ELAVL1: variants seen among roughly 807,000 people sequenced by gnomAD.
ELAVL1 encodes ELAV-like protein 1.
ELAVL1 carries 1 observed loss-of-function variant against 28.4 expected under a neutral mutation model. The observed-to-expected ratio is 0.04, with a 90% confidence interval of 0.01 to 0.17. The LOEUF (loss-of-function observed/expected upper bound fraction) is 0.17. Ranked by LOEUF, ELAVL1 falls within the 10% of genes least tolerant of loss-of-function variation. ELAVL1 has a pLI of 1.00. For synonymous variants in ELAVL1, 174 were observed against 183.5 expected (o/e 0.95, Z 0.42); for missense variants, 157 against 447.2 (o/e 0.35, Z 5.85).
At chr19:7,991,901 C>T (rs1396258475) in intron 1 of ELAVL1, 70 bp from the exon 2 acceptor site, 3 of 1,202,108 alleles carry the variant, frequency 2.5e-6, no homozygotes, top group Admixed American at 5.5e-5. Context: ...AAACTAGTAA[C>T]TGCATTTGCA....
chr19:7,987,365 G>A (rs1436069706), intron 2 of ELAVL1, among the ~76,000 whole-genome samples: 1 of 152,214 alleles, frequency 6.6e-6, no homozygotes, highest in East Asian at 1.9e-4. Context: ...GACATATGGG[G>A]CCACTGTGGA....
intron 5 of ELAVL1, among the ~76,000 whole-genome samples, chr19:7,964,201 G>T (rs533140441): frequency 1.3e-5 from 2 of 152,194 alleles, no homozygotes; most frequent in Non-Finnish European, 2.9e-5. Context: ...AACTCTCCTC[G>T]TACTGTGGGG....
chr19:7,971,903 C>T (rs55845020), intron 4 of ELAVL1, among the ~76,000 whole-genome samples: 8,789 of 152,284 alleles, frequency 0.058, 265 homozygotes, highest in Non-Finnish European at 0.07. Context: ...GGACGCAGGA[C>T]AATGTGCATG....
chr19:7,991,240 A>T (rs1985744383), intron 2 of ELAVL1, among the ~76,000 whole-genome samples: 2 of 152,190 alleles, frequency 1.3e-5, no homozygotes, highest in Admixed American at 1.3e-4. Flanking sequence ...CTGGACAGAC[A>T]GGGGCAGGCC....
rs1488213083 is a variant in ELAVL1, at chr19:7,963,173, G to A, written c.*310C>T. 3 of 337,598 alleles carry A rather than the reference G, an allele frequency of 8.9e-6. No individual in the cohort carries two copies. Among genetic ancestry groups the A allele is most frequent in the South Asian group, 3.8e-5 (1 of 26,272 alleles). The allele number at this position is 337,598 out of a possible 1,614,324, so 20.9% of individuals were successfully genotyped here. A position where few individuals can be genotyped will look rare whatever the true frequency, so the allele number is the denominator to read the frequency against. On this transcript the variant is annotated 3_prime_UTR_variant, in exon 6 of 6. Transcript: ENST00000407627. This position sits in a 1 kb window ranked among gnomAD's most constrained non-coding sequence, Gnocchi z 4.5. ...AAACGCGTGTTAGACAGTCTTAGAGGTTAAAGCATGCTTCAGGTTCACCAC... is the reference window on the plus strand; with the variant it reads ...AAACGCGTGTTAGACAGTCTTAGAGATTAAAGCATGCTTCAGGTTCACCAC...
chr19:7,986,423 G>A (rs1337075994), intron 2 of ELAVL1, among the ~76,000 whole-genome samples: 1 of 152,216 alleles, frequency 6.6e-6, no homozygotes, highest in East Asian at 1.9e-4. Context: ...CCACTAAATA[G>A]AAACAGTGAT....
rs1599659968 is a variant in ELAVL1 at position 7,959,081 on chromosome 19, T to C, written c.*4402A>G. On this transcript the variant is annotated 3_prime_UTR_variant, in exon 6 of 6. Transcript: ENST00000407627. ...TTAAAAAAAAAAAATAAAAAGGCAA[T>C]GGGCTGATGGAAAACTGATAAGGGC... 6.6e-6 allele frequency: 1 copy of C among 152,070 alleles called. No individual in the cohort carries two copies. Among genetic ancestry groups the C allele is most frequent in the African/African-American group, 2.4e-5 (1 of 41,076 alleles). 9.4% of individuals were successfully genotyped at this position (152,070 alleles called of 1,614,324 possible). A position where few individuals can be genotyped will look rare whatever the true frequency, so the allele number is the denominator to read the frequency against.
At chr19:7,986,975 T>G (rs1985619345) in intron 2 of ELAVL1, among the ~76,000 whole-genome samples, 1 of 152,030 alleles carries the variant, frequency 6.6e-6, no homozygotes, top group Non-Finnish European at 1.5e-5. Flanking sequence ...ATGCTTAAGT[T>G]TTTTTTTCTG....
rs753565074 is a variant in ELAVL1, at chr19:7,958,954, T to C, written c.*4529A>G. The C allele has an allele frequency of 2.0e-5, 3 of 153,710 alleles. No individual in the cohort carries two copies. The highest frequency in any genetic ancestry group is 2.9e-5 in the Non-Finnish European group (2 of 68,030). 9.5% of individuals were successfully genotyped at this position (153,710 alleles called of 1,614,324 possible). A position where few individuals can be genotyped will look rare whatever the true frequency, so the allele number is the denominator to read the frequency against. ...ACTTCACTAAAATTTTGAAAAATGG[T>C]CTTCTTTCAAAGCTTCTTTATTAAT... On this transcript the variant is annotated 3_prime_UTR_variant, in exon 6 of 6. Coordinates refer to ENST00000407627, the MANE Select transcript of ELAVL1 (RefSeq NM_001419.3).
chr19:7,999,420 TACTC>T (rs748092640), intron 1 of ELAVL1, among the ~76,000 whole-genome samples: 4 of 152,192 alleles, frequency 2.6e-5, no homozygotes, highest in Non-Finnish European at 5.9e-5. Flanking sequence ...ACAGGTTACT[TACTC>T]TAGTTCTCAG....
At chr19:7,987,116 CGG>C (rs60108147) in intron 2 of ELAVL1, among the ~76,000 whole-genome samples, 22 of 47,180 alleles carry the variant, frequency 4.7e-4, no homozygotes, top group Non-Finnish European at 5.4e-4. Flanking sequence ...CGGGGGGTGC[CGG>C]GGGGGGGGGA....
chr19:7,988,487 A>C (rs142883475), intron 2 of ELAVL1, among the ~76,000 whole-genome samples: 164 of 152,326 alleles, frequency 1.1e-3, no homozygotes, highest in African/African-American at 3.8e-3. Context: ...GCATGGCCTC[A>C]GGGGCAGTTA....
intron 2 of ELAVL1, among the ~76,000 whole-genome samples, chr19:7,984,205 T>C (rs778352704): frequency 2.0e-5 from 3 of 152,144 alleles, no homozygotes; most frequent in Non-Finnish European, 2.9e-5. Flanking sequence ...GCACCTACTA[T>C]GTGTCAGGCC....
At chr19:8,004,408 T>A (rs1482291601) in intron 1 of ELAVL1, among the ~76,000 whole-genome samples, 1 of 152,208 alleles carries the variant, frequency 6.6e-6, no homozygotes, top group Non-Finnish European at 1.5e-5. Context: ...CACCTGTGCG[T>A]GTGAGAGTGG....
chr19:7,991,586 C>A, intron 2 of ELAVL1, 58 bp downstream of exon 2: 1 of 1,535,930 alleles, frequency 6.5e-7, no homozygotes, highest in Admixed American at 1.8e-5. Flanking sequence ...GCAAAGGAGA[C>A]AGTGCCCAAA....
chr19:7,968,915 T>C (rs903859322), intron 4 of ELAVL1, among the ~76,000 whole-genome samples: 1 of 151,714 alleles, frequency 6.6e-6, no homozygotes, highest in Non-Finnish European at 1.5e-5. Context: ...GCTCCTTCTC[T>C]GGGGGCAAGG....
At position 7,961,275 on chromosome 19, in the gene ELAVL1, C is replaced by T. The variant is rs1984798982; in HGVS notation, c.*2208G>A. On this transcript the variant is annotated 3_prime_UTR_variant, in exon 6 of 6. Transcript: ENST00000407627. ...ATGGGCATGTGTGGGAGTGAGACTC[C>T]AGGGGGAGTTTCAGAAGCGGGAATC... 1 of 152,206 alleles carries T rather than the reference C, an allele frequency of 6.6e-6. No homozygotes were observed. Among genetic ancestry groups the T allele is most frequent in the African/African-American group, 2.4e-5 (1 of 41,446 alleles). 9.4% of individuals were successfully genotyped at this position (152,206 alleles called of 1,614,324 possible). A position where few individuals can be genotyped will look rare whatever the true frequency, so the allele number is the denominator to read the frequency against.
chr19:7,998,684 T>C (rs1418652742), intron 1 of ELAVL1, among the ~76,000 whole-genome samples: 1 of 152,206 alleles, frequency 6.6e-6, no homozygotes. Flanking sequence ...GGTCTCTCTT[T>C]GTTGCCCAGG....
At position 7,981,210 on chromosome 19, in the gene ELAVL1, T is replaced by A; in HGVS notation, c.173-24A>T. 1 of 1,613,502 alleles carries A rather than the reference T, an allele frequency of 6.2e-7. No homozygotes were observed. The highest frequency in any genetic ancestry group is 1.7e-4 in the Middle Eastern group (1 of 6,060). On this transcript the variant is annotated intron_variant, in intron 2 of 5. Transcript: ENST00000407627. This position sits in a 1 kb window ranked among gnomAD's most constrained non-coding sequence, Gnocchi z 4.2. ...TCCTGTGCAAGAGAACATGAAGACA[T>A]TGGTAAGCCAACCGTCTGCGAGTGA...
Sources: allele counts gnomAD v4.1 joint callset (sites outside exome capture counted in the v4.1 genomes callset), GRCh38; gene constraint gnomAD v4.1.1; non-coding constraint Gnocchi (gnomAD v3.1); transcripts MANE v1.5; gene names NCBI Gene and HGNC (gene_info 2026-07-23, HGNC 2026-07-21).